ADCY8: variants seen among roughly 807,000 people sequenced by gnomAD.
ADCY8 encodes the protein adenylate cyclase 8.
ADCY8 carries 51 observed loss-of-function variants against 119.7 expected under a neutral mutation model. The ratio of observed to expected loss-of-function variants is 0.43; its 90% CI spans 0.34 to 0.54. The LOEUF (loss-of-function observed/expected upper bound fraction) is 0.54. Among genes scored for constraint, ADCY8 ranks in the 20% least tolerant of loss-of-function variants. The probability of loss-of-function intolerance (pLI) is 0.03; values close to 1 mark genes in which losing one functional copy is unlikely to be tolerated. For missense variants in ADCY8, 1,383 were observed against 1,598.8 expected (o/e 0.87, Z 2.30); for synonymous variants, 665 against 651.0 (o/e 1.02, Z -0.33).
chr8:130,803,646 A>G (rs1159113086), intron 14 of ADCY8, among the ~76,000 whole-genome samples: 3 of 152,220 alleles, frequency 2.0e-5, no homozygotes, highest in African/African-American at 7.2e-5. Flanking sequence ...ATGAAGTCAT[A>G]TGATAATTAT....
intron 7 of ADCY8, among the ~76,000 whole-genome samples, chr8:130,885,149 A>G (rs775693674): frequency 7.2e-5 from 11 of 151,996 alleles, no homozygotes; most frequent in Non-Finnish European, 1.6e-4. Flanking sequence ...ATCATCTCCA[A>G]CTGAGTAGAT....
intron 1 of ADCY8, among the ~76,000 whole-genome samples, chr8:131,036,228 A>T (rs1002936976): frequency 6.6e-6 from 1 of 152,144 alleles, no homozygotes; most frequent in South Asian, 2.1e-4. Context: ...GATACCATCT[A>T]TTTTTCATCA....
At chr8:130,821,509 A>T (rs55879109) in intron 12 of ADCY8, 89 bp from the exon 13 acceptor site, 115,374 of 968,238 alleles carry the variant, frequency 0.12, 7,239 homozygotes, top group Middle Eastern at 0.18. Context: ...GTGGTATAAA[A>T]AGAAAAAAAC....
At chr8:130,943,057 T>C (rs1821003742) in intron 4 of ADCY8, among the ~76,000 whole-genome samples, 1 of 152,170 alleles carries the variant, frequency 6.6e-6, no homozygotes, top group African/African-American at 2.4e-5. Context: ...CCTGGCCACG[T>C]GCAAGGGGAA....
chr8:130,884,830 T>G, intron 7 of ADCY8, 69 bp from the exon 8 acceptor site: 1 of 1,462,538 alleles, frequency 6.8e-7, no homozygotes, highest in Non-Finnish European at 9.6e-7. Flanking sequence ...AAATGCAATG[T>G]TTTTAAATCA....
At chr8:130,866,473 T>G (rs1307901924) in intron 9 of ADCY8, among the ~76,000 whole-genome samples, 1 of 152,192 alleles carries the variant, frequency 6.6e-6, no homozygotes, top group Non-Finnish European at 1.5e-5. Flanking sequence ...TCAGCCATAG[T>G]GTCTACTATA....
At chr8:130,824,741 A>G (rs1816622678) in intron 12 of ADCY8, among the ~76,000 whole-genome samples, 1 of 152,230 alleles carries the variant, frequency 6.6e-6, no homozygotes, top group South Asian at 2.1e-4. Context: ...AACTGGTTCA[A>G]TAATTTGTGG....
Position 130,826,067 on chromosome 8 carries a change from A to G in ADCY8, c.2676-4647T>C, listed in dbSNP as rs573788556. On this transcript the variant is annotated intron_variant, in intron 12 of 17. Transcript: ENST00000286355. The stretch of plus-strand genomic sequence containing the variant: ...TATAAACATGAGAGTAGAATTGGAA[A>G]TGGTTCAGTGAAAAGTACATTGAAC... Among the ~76,000 whole-genome samples, 4 of 152,360 alleles carry G rather than the reference A, an allele frequency of 2.6e-5. No individual in the cohort carries two copies. The South Asian group carries it at 8.3e-4, about 32-fold the overall frequency.
At chr8:130,942,121 T>C (rs988132871) in intron 4 of ADCY8, among the ~76,000 whole-genome samples, 2 of 152,216 alleles carry the variant, frequency 1.3e-5, no homozygotes, top group African/African-American at 4.8e-5. Context: ...TTTCTGCCTC[T>C]GTAATTGTAC....
intron 5 of ADCY8, among the ~76,000 whole-genome samples, chr8:130,926,619 C>A (rs1442516581): frequency 6.6e-6 from 1 of 152,048 alleles, no homozygotes; most frequent in Non-Finnish European, 1.5e-5. Context: ...CAGTCTCTTA[C>A]CATTTTTCAA....
Position 131,040,776 on chromosome 8 carries a change from C to G in ADCY8, c.-443G>C, listed in dbSNP as rs552183788. 6.4e-6 allele frequency: 1 copy of G among 155,788 alleles called. No homozygotes were observed. The highest frequency in any genetic ancestry group is 2.4e-5 in the African/African-American group (1 of 41,756). The allele number at this position is 155,788 out of a possible 1,614,324, so 9.7% of individuals were successfully genotyped here. On this transcript the variant is annotated 5_prime_UTR_variant, in exon 1 of 18. Coordinates refer to ENST00000286355, the MANE Select transcript of ADCY8 (RefSeq NM_001115.3). ...CGCGTCGGGCGGGTCCTGGCTGCTG[C>G]ACTGGGCTTTGGACGCCCACTGCTC...
At chr8:130,896,625 T>G (rs1469589335) in intron 7 of ADCY8, among the ~76,000 whole-genome samples, 2 of 152,192 alleles carry the variant, frequency 1.3e-5, no homozygotes, top group African/African-American at 4.8e-5. Context: ...TGGGTGTTTA[T>G]CTACATAAAA....
intron 2 of ADCY8, 35 bp from the exon 3 acceptor site, chr8:130,952,033 T>G: frequency 1.2e-6 from 2 of 1,609,490 alleles, no homozygotes; most frequent in Non-Finnish European, 1.7e-6. Flanking sequence ...CCTGTTAGGC[T>G]GACCAGCGAG....
intron 1 of ADCY8, among the ~76,000 whole-genome samples, chr8:131,034,261 A>G (rs1824082000): frequency 6.6e-6 from 1 of 152,168 alleles, no homozygotes; most frequent in Non-Finnish European, 1.5e-5. Context: ...CAAAGAACAT[A>G]TAATATCTTA....
At chr8:130,902,757 T>C (rs1819644760) in intron 7 of ADCY8, among the ~76,000 whole-genome samples, 2 of 152,128 alleles carry the variant, frequency 1.3e-5, no homozygotes, top group African/African-American at 4.8e-5. Context: ...TATGTCTTCA[T>C]AAAACTCCAG....
At chr8:130,808,705 T>C (rs564810618) in intron 14 of ADCY8, among the ~76,000 whole-genome samples, 1 of 152,322 alleles carries the variant, frequency 6.6e-6, no homozygotes, top group South Asian at 2.1e-4. Context: ...TGTGTTGTTA[T>C]CCGATTTAGC....
intron 1 of ADCY8, among the ~76,000 whole-genome samples, chr8:131,019,819 C>CTCTCTCTG (rs1823598463): frequency 4.8e-5 from 6 of 124,702 alleles, no homozygotes; most frequent in African/African-American, 2.0e-4. Context: ...CTCTCTCTCT[C>CTCTCTCTG]TCTCTCTCTC....
intron 5 of ADCY8, among the ~76,000 whole-genome samples, chr8:130,912,345 T>A (rs1820006973): frequency 1.3e-5 from 2 of 152,248 alleles, no homozygotes; most frequent in African/African-American, 4.8e-5. Flanking sequence ...ACTGAGTAGG[T>A]GGATGGGTGG....
At chr8:130,936,735 T>TATTC (rs1021177446) in intron 5 of ADCY8, among the ~76,000 whole-genome samples, 4 of 152,204 alleles carry the variant, frequency 2.6e-5, no homozygotes, top group African/African-American at 7.2e-5. Flanking sequence ...TGAAATTTTT[T>TATTC]ATTCATTCAT....
Sources: allele counts gnomAD v4.1 joint callset (sites outside exome capture counted in the v4.1 genomes callset), GRCh38; gene constraint gnomAD v4.1.1; transcripts MANE v1.5; gene names NCBI Gene and HGNC (gene_info 2026-07-23, HGNC 2026-07-21).